Variants in OSMR observed in about 807,000 individuals in gnomAD.
OSMR encodes the protein oncostatin M receptor.
A neutral mutation model predicts 99.9 loss-of-function variants in OSMR; 81 were observed. That is an observed-to-expected ratio of 0.81 (90% confidence interval 0.68 to 0.97). The LOEUF (loss-of-function observed/expected upper bound fraction) is 0.97. Ranked by LOEUF, OSMR falls within the 50% of genes least tolerant of loss-of-function variation. The pLI is 0.00. For missense variants in OSMR, 1,099 were observed against 1,153.4 expected (o/e 0.95, Z 0.68); for synonymous variants, 406 against 410.4 (o/e 0.99, Z 0.13).
intron 7 of OSMR, among the ~76,000 whole-genome samples, chr5:38,901,396 T>C (rs369763541): frequency 1.3e-5 from 2 of 152,208 alleles, no homozygotes; most frequent in South Asian, 4.1e-4. Context: ...TGATCTTAAA[T>C]GTGCCAGTTT....
chr5:38,924,466 C>T lies in OSMR; in HGVS notation c.1915C>T (p.His639Tyr). 1 of 1,613,504 alleles carries T rather than the reference C, an allele frequency of 6.2e-7. No individual in the cohort carries two copies. The highest frequency in any genetic ancestry group is 1.7e-5 in the Admixed American group (1 of 60,024). ...PHVLVDTLTS[H>Y]SFTLSWKDYS... Reference sequence around the variant, plus strand: ...CGTGCTGGTGGATACATTGACATCCCACTCCTTCACTCTGAGTTGGAAAGA... The same window carrying T: ...CGTGCTGGTGGATACATTGACATCCTACTCCTTCACTCTGAGTTGGAAAGA... Residue 639 changes from histidine to tyrosine, a missense_variant, in exon 14 of 18, where the codon CAC becomes TAC. Physicochemically the swap from His to Tyr is moderately conservative, Grantham distance 83. Coordinates refer to ENST00000274276, the MANE Select transcript of OSMR (RefSeq NM_003999.3).
At chr5:38,872,082 C>T (rs1169506740) in intron 2 of OSMR, among the ~76,000 whole-genome samples, 1 of 152,166 alleles carries the variant, frequency 6.6e-6, no homozygotes, top group East Asian at 1.9e-4. Flanking sequence ...GTGGCAAAGT[C>T]ACTTCCCATT....
At position 38,919,750 on chromosome 5, in the gene OSMR, T is replaced by G. The variant is rs79070999; in HGVS notation, c.1585+688T>G. On this transcript the variant is annotated intron_variant, in intron 11 of 17. Coordinates refer to ENST00000274276, the MANE Select transcript of OSMR (RefSeq NM_003999.3). ...TCATTCATGAACCTTGCAATAATAT[T>G]ACCCTTCAGTTCCTGCTATTAAAAT... 3.2e-3 allele frequency among the ~76,000 whole-genome samples: 482 copies of G among 152,320 alleles called. 3 individuals carry two copies. The highest frequency in any genetic ancestry group is 4.9e-3 in the Non-Finnish European group (331 of 68,022).
At chr5:38,862,900 G>A (rs574940252) in intron 1 of OSMR, among the ~76,000 whole-genome samples, 3 of 152,194 alleles carry the variant, frequency 2.0e-5, no homozygotes, top group Admixed American at 6.5e-5. Flanking sequence ...ACCAGACTCC[G>A]TCTGCAATCC....
chr5:38,885,368 G>T lies in OSMR; in HGVS notation c.723G>T (p.Lys241Asn). The change falls in exon 6 of 18, where the codon AAG becomes AAT. Residue 241 changes from lysine to asparagine, a missense_variant. By Grantham distance (94) the Lys-to-Asn change is moderately conservative. Coordinates refer to ENST00000274276, the MANE Select transcript of OSMR (RefSeq NM_003999.3). The stretch of plus-strand genomic sequence containing the variant: ...GGACAGAAGTACTTGAGGAGCCCAA[G>T]GACTTTTCTTGTGAAACCGAGGACT... ...LFVSKVLEEP[K>N]DFSCETEDFK... 2.5e-6 allele frequency: 4 copies of T among 1,613,878 alleles called. No individual in the cohort carries two copies. Among genetic ancestry groups the T allele is most frequent in the Non-Finnish European group, 3.4e-6 (4 of 1,179,824 alleles).
At chr5:38,944,643 T>G in intron 2 of OSMR, 2 of 1,314,628 alleles carry the variant, frequency 1.5e-6, no homozygotes, top group Non-Finnish European at 2.1e-6. Flanking sequence ...GAAATTTATT[T>G]TTAAACTTCA....
At chr5:38,854,536 A>G (rs1740699175) in intron 1 of OSMR, among the ~76,000 whole-genome samples, 1 of 152,230 alleles carries the variant, frequency 6.6e-6, no homozygotes, top group Admixed American at 6.5e-5. Context: ...TTTGCCCTGC[A>G]GAGAAGGAAA....
At position 38,921,788 on chromosome 5, in the gene OSMR, A is replaced by T. The variant is rs138039089; in HGVS notation, c.1759A>T (p.Ser587Cys). 1.9e-6 allele frequency: 3 copies of T among 1,613,188 alleles called. No individual in the cohort carries two copies. Among genetic ancestry groups the T allele is most frequent in the Non-Finnish European group, 8.5e-7 (1 of 1,179,090 alleles). The change falls in exon 12 of 18, where the codon AGC (serine) becomes TGC (cysteine). Residue 587 changes from serine to cysteine, a missense_variant. Coordinates refer to ENST00000274276, the MANE Select transcript of OSMR (RefSeq NM_003999.3). The part of the protein sequence containing the change: ...VGPNTTSTVI[S>C]TDAFRPGVRY... Reference sequence around the variant, plus strand: ...TCCCAATACCACAAGCACAGTCATTAGCACAGGTAAGAAGAAGCTTCCATA... The same window carrying T: ...TCCCAATACCACAAGCACAGTCATTTGCACAGGTAAGAAGAAGCTTCCATA...
chr5:38,865,028 T>C (rs1049117841), intron 1 of OSMR, among the ~76,000 whole-genome samples: 2 of 152,228 alleles, frequency 1.3e-5, no homozygotes, highest in African/African-American at 4.8e-5. Flanking sequence ...GTTCAGAAAT[T>C]CTTTCTAGTC....
At chr5:38,944,499 G>A in intron 2 of OSMR, 2 of 1,612,236 alleles carry the variant, frequency 1.2e-6, no homozygotes, top group East Asian at 2.2e-5. Context: ...TCAAATTAAT[G>A]ACTAATCTTA....
intron 2 of OSMR, chr5:38,944,937 T>C: frequency 6.2e-7 from 1 of 1,614,076 alleles, no homozygotes. Flanking sequence ...GTGCTTTTGG[T>C]GCTGCTAGCT....
intron 1 of OSMR, among the ~76,000 whole-genome samples, chr5:38,861,105 G>GTTTTTA (rs913803003): frequency 6.6e-6 from 1 of 152,076 alleles, no homozygotes; most frequent in African/African-American, 2.4e-5. Flanking sequence ...TATGATTTTG[G>GTTTTTA]TTTTTATTTT....
intron 15 of OSMR, among the ~76,000 whole-genome samples, chr5:38,929,963 A>G (rs1746647438): frequency 6.6e-6 from 1 of 152,220 alleles, no homozygotes; most frequent in African/African-American, 2.4e-5. Flanking sequence ...ATGATTAACT[A>G]TTCTCCTGTC....
rs1746901999 is a variant in OSMR, at chr5:38,933,964, C to T, written c.*520C>T. 1 of 150,536 alleles carries T rather than the reference C, an allele frequency of 6.6e-6. No individual in the cohort carries two copies. The highest frequency in any genetic ancestry group is 2.5e-5 in the African/African-American group (1 of 40,416). 9.3% of individuals were successfully genotyped at this position (150,536 alleles called of 1,614,324 possible). On this transcript the variant is annotated 3_prime_UTR_variant, in exon 18 of 18. Transcript: ENST00000274276. ...GAGGCCAAAACAGATTTTAGACTTA[C>T]CTTGAACGGATAAGAATCTATAGTT... is the stretch of plus-strand genomic sequence containing the variant.
chr5:38,930,013 C>G (rs1746649971), intron 15 of OSMR, among the ~76,000 whole-genome samples: 1 of 152,192 alleles, frequency 6.6e-6, no homozygotes, highest in Non-Finnish European at 1.5e-5. Context: ...ATCATACTCT[C>G]CCTTACAGCC....
chr5:38,921,395 A>C, intron 11 of OSMR: 1 of 730,972 alleles, frequency 1.4e-6, no homozygotes, highest in Non-Finnish European at 1.7e-6. Flanking sequence ...GAAGGTCAAC[A>C]TGATGGGCAT....
At chr5:38,931,161 C>T (rs1746727787) in intron 15 of OSMR, among the ~76,000 whole-genome samples, 2 of 152,118 alleles carry the variant, frequency 1.3e-5, no homozygotes, top group South Asian at 4.1e-4. Context: ...ATCATTTTCC[C>T]AGATTAAGAC....
intron 9 of OSMR, among the ~76,000 whole-genome samples, chr5:38,906,775 T>C (rs563121178): frequency 1.3e-4 from 20 of 152,200 alleles, no homozygotes; most frequent in Admixed American, 1.2e-3. Flanking sequence ...TTTTATAAGA[T>C]AGAGAGATAC....
chr5:38,925,176 G>GA (rs576680086), intron 14 of OSMR, 28 bp from the exon 15 acceptor site: 423 of 1,580,204 alleles, frequency 2.7e-4, no homozygotes, highest in African/African-American at 4.7e-4. Flanking sequence ...TTTTTTCCTT[G>GA]AAAAAAAAAC....
Sources: allele counts gnomAD v4.1 joint callset (sites outside exome capture counted in the v4.1 genomes callset), GRCh38; gene constraint gnomAD v4.1.1; transcripts MANE v1.5; gene names NCBI Gene and HGNC (gene_info 2026-07-23, HGNC 2026-07-21).